The following GNAS variants were observed in gnomAD, a reference collection of about 807,000 sequenced individuals.
GNAS encodes the protein protein ALEX.
A neutral mutation model predicts 54.5 loss-of-function variants in GNAS; 8 were observed. That is an observed-to-expected ratio of 0.15 (90% confidence interval 0.09 to 0.26). The LOEUF (loss-of-function observed/expected upper bound fraction) is 0.26, where lower values mean the gene tolerates loss of function less well. GNAS is among the 10% of genes least tolerant of loss of function. The probability of loss-of-function intolerance (pLI) is 1.00; values close to 1 mark genes in which losing one functional copy is unlikely to be tolerated. For synonymous variants in GNAS, 204 were observed against 191.4 expected (o/e 1.07, Z -0.54); for missense variants, 170 against 529.8 (o/e 0.32, Z 6.67).
chr20:58,877,736 G>A (rs1052106728), intron 1 of GNAS, among the ~76,000 whole-genome samples: 18 of 152,342 alleles, frequency 1.2e-4, no homozygotes, highest in Middle Eastern at 3.4e-3. Context: ...AGAGAACGGC[G>A]CTGTCACTGA....
intron 5 of GNAS, 53 bp downstream of exon 5, chr20:58,903,844 G>A: frequency 2.5e-6 from 4 of 1,603,612 alleles, no homozygotes; most frequent in African/African-American, 2.7e-5. Flanking sequence ...TGAGCACAGT[G>A]TCCATATAGG....
chr20:58,909,486 C>G lies in GNAS; in HGVS notation c.660-35C>G, dbSNP rs1265190696. On this transcript the variant is annotated intron_variant, in intron 8 of 12. Transcript: ENST00000371085. This position sits in a 1 kb window ranked among gnomAD's most constrained non-coding sequence, Gnocchi z 7.3. ...TGGTTTCTTGACATTCACCCCAGTC[C>G]CTCTGGAATAACCAGCTGTCCTCCT... 1 of 1,612,752 alleles carries G rather than the reference C, an allele frequency of 6.2e-7. No homozygotes were observed. Among genetic ancestry groups the G allele is most frequent in the African/African-American group, 1.3e-5 (1 of 74,872 alleles).
At chr20:58,897,880 T>G (rs2146053289) in intron 2 of GNAS, 2 of 152,332 alleles carry the variant, frequency 1.3e-5, no homozygotes, top group South Asian at 2.1e-4. Flanking sequence ...GAATTCCCTA[T>G]GAGACAGTGA....
intron 1 of GNAS, among the ~76,000 whole-genome samples, chr20:58,883,409 C>T (rs945412772): frequency 1.3e-5 from 2 of 152,086 alleles, no homozygotes; most frequent in African/African-American, 2.4e-5. Context: ...GCAGCCTTCC[C>T]AGTATTGGGC....
At chr20:58,844,472 T>C (rs1449597170) in intron 1 of GNAS, among the ~76,000 whole-genome samples, 1 of 152,168 alleles carries the variant, frequency 6.6e-6, no homozygotes, top group Admixed American at 6.5e-5. Flanking sequence ...ACTGGAGCAG[T>C]GGGATCTAAG....
chr20:58,905,019 T>G (rs182311119), intron 5 of GNAS, among the ~76,000 whole-genome samples: 1 of 152,328 alleles, frequency 6.6e-6, no homozygotes, highest in Admixed American at 6.5e-5. Flanking sequence ...TTTCTTATTT[T>G]CACAACATTG....
At chr20:58,902,525 T>A (rs988618166) in intron 3 of GNAS, among the ~76,000 whole-genome samples, 2 of 151,794 alleles carry the variant, frequency 1.3e-5, no homozygotes, top group Non-Finnish European at 2.9e-5. Context: ...TGTGGCTGAG[T>A]TAAACTCAAG....
Position 58,853,916 on chromosome 20 carries a change from C to T in GNAS, c.43+13030C>T, listed in dbSNP as rs1489461778. On this transcript the variant is annotated intron_variant, in intron 1 of 12. Coordinates refer to the GNAS transcript ENST00000306090. The surrounding 1 kb of genome is among the most constrained non-coding windows in gnomAD (Gnocchi z 4.4). ...AGGCTGGCTCCAGAGGAGGCTACAG[C>T]CCTCCCCCTGAGGAGACTATGCCAT... is the stretch of plus-strand genomic sequence containing the variant. 6.2e-7 allele frequency: 1 copy of T among 1,608,652 alleles called. No homozygotes were observed. The highest frequency in any genetic ancestry group is 8.5e-7 in the Non-Finnish European group (1 of 1,177,898).
rs1002368235 is a variant in GNAS, at chr20:58,910,136, C to A, written c.970+55C>A. On this transcript the variant is annotated intron_variant, in intron 11 of 12. Transcript: ENST00000371085. The surrounding 1 kb of genome is among the most constrained non-coding windows in gnomAD (Gnocchi z 5.8). ...TTCATTGCGGTGGTTCTTTTTCAAA[C>A]GGTCAGGCTGAAAACCCCCATCCCC... The A allele has an allele frequency of 6.3e-7, 1 of 1,588,834 alleles. No homozygotes were observed. The highest frequency in any genetic ancestry group is 8.6e-7 in the Non-Finnish European group (1 of 1,157,408).
chr20:58,876,455 G>C (rs2087824286), intron 1 of GNAS: 1 of 152,002 alleles, frequency 6.6e-6, no homozygotes, highest in Non-Finnish European at 1.5e-5. Context: ...ATGGCTAACA[G>C]GATTAGAATG....
intron 5 of GNAS, among the ~76,000 whole-genome samples, chr20:58,904,260 G>A (rs2090890395): frequency 6.6e-6 from 1 of 152,190 alleles, no homozygotes; most frequent in Non-Finnish European, 1.5e-5. Flanking sequence ...ATGCCTCAGT[G>A]AAGTGCCAAA....
intron 3 of GNAS, among the ~76,000 whole-genome samples, chr20:58,901,881 T>A (rs1325499587): frequency 1.7e-5 from 2 of 119,272 alleles, no homozygotes; most frequent in African/African-American, 6.5e-5. Flanking sequence ...CCTGCCCTGC[T>A]CGTCTGCTCG....
Position 58,873,299 on chromosome 20 carries a change from A to G in GNAS, c.44-22313A>G, listed in dbSNP as rs1420292777. On this transcript the variant is annotated intron_variant, in intron 1 of 12. Transcript: ENST00000306090. The surrounding 1 kb of genome is among the most constrained non-coding windows in gnomAD (Gnocchi z 4.3). Reference sequence around the variant, plus strand: ...TCAGGAAGAAAGAAATGTTGTTGGGAAATGTTTAGTGGAAATTTAGCATAA... The same window carrying G: ...TCAGGAAGAAAGAAATGTTGTTGGGGAATGTTTAGTGGAAATTTAGCATAA... 6.6e-6 allele frequency among the ~76,000 whole-genome samples: 1 copy of G among 152,184 alleles called. No individual in the cohort carries two copies. Among genetic ancestry groups the G allele is most frequent in the Non-Finnish European group, 1.5e-5 (1 of 68,036 alleles).
intron 1 of GNAS, among the ~76,000 whole-genome samples, chr20:58,893,489 AAG>A (rs2089729188): frequency 1.3e-5 from 2 of 152,188 alleles, no homozygotes; most frequent in African/African-American, 4.8e-5. Flanking sequence ...CTTGAGTATA[AAG>A]AAAATAATAA....
At position 58,891,466 on chromosome 20, in the gene GNAS, G is replaced by C. The variant is rs916920325; in HGVS notation, c.-261G>C. On this transcript the variant is annotated 5_prime_UTR_variant, in exon 1 of 13. Transcript: ENST00000371085. ...CTCTGGTCCGCCTCGGCCCGGCGGC[G>C]GCCATCAGCCCCCTCGGCCTCGGCT... The C allele has an allele frequency of 1.2e-6, 1 of 848,742 alleles. No individual in the cohort carries two copies. Among genetic ancestry groups the C allele is most frequent in the Non-Finnish European group, 1.4e-6 (1 of 707,972 alleles). The allele number at this position is 848,742 out of a possible 1,614,324, so 52.6% of individuals were successfully genotyped here.
At chr20:58,893,364 C>T (rs957982741) in intron 1 of GNAS, among the ~76,000 whole-genome samples, 3 of 151,952 alleles carry the variant, frequency 2.0e-5, no homozygotes, top group East Asian at 1.9e-4. Context: ...AAAAGAATTA[C>T]ACAGCATTAA....
rs2089971039 is a variant in GNAS, at chr20:58,895,592, GACTT to G, written c.140-15_140-12del. The G allele has an allele frequency of 2.0e-6, 3 of 1,511,540 alleles. No individual in the cohort carries two copies. The highest frequency in any genetic ancestry group is 2.2e-5 in the South Asian group (2 of 88,950). The allele number at this position is 1,511,540 out of a possible 1,614,324, so 93.6% of individuals were successfully genotyped here. A position where few individuals can be genotyped will look rare whatever the true frequency, so the allele number is the denominator to read the frequency against. ...TTAAAATGCCTCCTTCATAACCTGA[GACTT>G]ACTTTCATTTTCTAGGTGCTGGAGA... is the stretch of plus-strand genomic sequence containing the variant. On this transcript the variant is annotated splice_polypyrimidine_tract_variant and intron_variant, in intron 1 of 12. Transcript: ENST00000371085.
chr20:58,890,148 AAGG>A (rs1256269098), upstream of GNAS, among the ~76,000 whole-genome samples: 3 of 151,780 alleles, frequency 2.0e-5, no homozygotes, highest in Non-Finnish European at 4.4e-5. Context: ...GCAGAGGCGA[AAGG>A]AGGAGAAGAA....
intron 1 of GNAS, chr20:58,854,173 A>C (rs1173797395): frequency 6.2e-7 from 1 of 1,612,670 alleles, no homozygotes; most frequent in Non-Finnish European, 8.5e-7. Flanking sequence ...CCCTGGATGG[A>C]GATCTCCGGA....
Sources: allele counts gnomAD v4.1 joint callset (sites outside exome capture counted in the v4.1 genomes callset), GRCh38; gene constraint gnomAD v4.1.1; non-coding constraint Gnocchi (gnomAD v3.1); transcripts MANE v1.5; gene names NCBI Gene and HGNC (gene_info 2026-07-23, HGNC 2026-07-21).